The following CALB2 variants were observed in gnomAD, a reference collection of about 807,000 sequenced individuals.
CALB2 encodes the protein calretinin.
Under a neutral mutation model 45.9 loss-of-function variants are expected in CALB2, and 34 were observed. The ratio of observed to expected loss-of-function variants is 0.74; its 90% confidence interval spans 0.56 to 0.99. The LOEUF (loss-of-function observed/expected upper bound fraction) is 0.99, where lower values mean the gene tolerates loss of function less well. Ranked by LOEUF, CALB2 falls within the 50% of genes least tolerant of loss-of-function variation. CALB2 has a pLI of 0.00. For synonymous variants in CALB2, 142 were observed against 129.6 expected (o/e 1.10, Z -0.65); for missense variants, 344 against 339.3 (o/e 1.01, Z -0.11).
At chr16:71,370,495 AT>A (rs2042336968) in intron 1 of CALB2, among the ~76,000 whole-genome samples, 1 of 151,756 alleles carries the variant, frequency 6.6e-6, no homozygotes, top group Non-Finnish European at 1.5e-5. Context: ...AAAAAAAAAA[AT>A]CATGGTGCTT....
chr16:71,372,855 C>T lies in CALB2; in HGVS notation c.171+626C>T, dbSNP rs538627867. 1.6e-4 allele frequency among the ~76,000 whole-genome samples: 24 copies of T among 152,314 alleles called. No homozygotes were observed. In the South Asian group the frequency reaches 4.1e-3, roughly 26 times the overall value. ...AGAGAACCACTGTTCTAGAGCAACACGGGCTAGAATCCCCAGCAAGGAACT... is the reference window on the plus strand; with the variant it reads ...AGAGAACCACTGTTCTAGAGCAACATGGGCTAGAATCCCCAGCAAGGAACT... On this transcript the variant is annotated intron_variant, in intron 2 of 10. Coordinates refer to ENST00000302628, the MANE Select transcript of CALB2 (RefSeq NM_001740.5).
intron 1 of CALB2, among the ~76,000 whole-genome samples, chr16:71,363,018 T>C (rs6499509): frequency 0.85 from 126,742 of 149,716 alleles, 53,878 homozygotes; most frequent in Admixed American, 0.9. Context: ...CCCCTCCCCC[T>C]ACTACAAATT....
intron 1 of CALB2, among the ~76,000 whole-genome samples, chr16:71,359,297 C>A (rs2042214654): frequency 6.6e-6 from 1 of 152,196 alleles, no homozygotes; most frequent in African/African-American, 2.4e-5. Context: ...AGGTTAGCCC[C>A]CTTACCCTGC....
chr16:71,366,020 C>CTTTTTTTTT (rs2042281945), intron 1 of CALB2, among the ~76,000 whole-genome samples: 6 of 28,874 alleles, frequency 2.1e-4, no homozygotes, highest in Non-Finnish European at 3.6e-4. Context: ...TTCCCTCTCT[C>CTTTTTTTTT]TCTCTTTTTT....
chr16:71,374,348 G>A (rs1406569544), intron 2 of CALB2, among the ~76,000 whole-genome samples: 2 of 152,190 alleles, frequency 1.3e-5, no homozygotes, highest in Non-Finnish European at 2.9e-5. Context: ...GAACCTATTA[G>A]GGGGCACTGG....
chr16:71,367,977 A>C (rs2042306920), intron 1 of CALB2, among the ~76,000 whole-genome samples: 1 of 152,014 alleles, frequency 6.6e-6, no homozygotes, highest in Non-Finnish European at 1.5e-5. Context: ...CCCCCTTCCC[A>C]GAGGCTGAGG....
Position 71,366,906 on chromosome 16 carries a change from C to T in CALB2, c.95-5247C>T, listed in dbSNP as rs1207451138. ...TGAGGCTCAGAGAGATTGACTTGCC[C>T]AACATCACATGGACAGTCATAGAGC... On this transcript the variant is annotated intron_variant, in intron 1 of 10. Transcript: ENST00000302628. Among the ~76,000 whole-genome samples, 4 of 152,128 alleles carry T rather than the reference C, an allele frequency of 2.6e-5. No individual in the cohort carries two copies. In the East Asian group the frequency reaches 7.7e-4, roughly 29 times the overall value.
chr16:71,369,601 T>C (rs2042324176), intron 1 of CALB2, among the ~76,000 whole-genome samples: 3 of 152,084 alleles, frequency 2.0e-5, no homozygotes, highest in Admixed American at 6.5e-5. Context: ...ATATACTCGC[T>C]CCTGTGTCCG....
chr16:71,362,705 GA>G (rs2144948894), intron 1 of CALB2, among the ~76,000 whole-genome samples: 1 of 152,266 alleles, frequency 6.6e-6, no homozygotes, highest in Admixed American at 6.5e-5. Flanking sequence ...TTTTTATTAT[GA>G]ATGATATATG....
chr16:71,366,660 G>T (rs1428147828), intron 1 of CALB2, among the ~76,000 whole-genome samples: 1 of 152,188 alleles, frequency 6.6e-6, no homozygotes, highest in African/African-American at 2.4e-5. Flanking sequence ...GAAAGCAGTG[G>T]TGCTGGAACT....
rs888728257 is a variant in CALB2 at position 71,359,016 on chromosome 16, T to C, written c.94+130T>C. 10 of 735,874 alleles carry C rather than the reference T, an allele frequency of 1.4e-5. No homozygotes were observed. The East Asian group carries it at 2.7e-4, about 20-fold the overall frequency. 45.6% of individuals were successfully genotyped at this position (735,874 alleles called of 1,614,324 possible). A position where few individuals can be genotyped will look rare whatever the true frequency, so the allele number is the denominator to read the frequency against. ...GAGGTGGTCTGGTCGCAGAGCCTGC[T>C]GGGGTAGTGGTCCCGGGTTTGGGAG... is the stretch of plus-strand genomic sequence containing the variant. On this transcript the variant is annotated intron_variant, in intron 1 of 10. Transcript: ENST00000302628.
intron 10 of CALB2, chr16:71,389,419 G>A: frequency 2.1e-6 from 1 of 477,410 alleles, no homozygotes; most frequent in South Asian, 1.5e-5. Context: ...TCAAGTGCTT[G>A]CTGATGTGGC....
intron 3 of CALB2, among the ~76,000 whole-genome samples, chr16:71,376,515 A>G (rs1444668853): frequency 1.3e-5 from 2 of 151,102 alleles, no homozygotes; most frequent in Admixed American, 1.3e-4. Flanking sequence ...ATACCCACAT[A>G]CATCCACATA....
chr16:71,385,730 G>A, intron 10 of CALB2, 82 bp downstream of exon 10: 2 of 1,109,600 alleles, frequency 1.8e-6, no homozygotes, highest in Non-Finnish European at 2.7e-6. Flanking sequence ...AAAGGTGCCT[G>A]GTCCTGCTCT....
At chr16:71,372,277 C>A in intron 2 of CALB2, 48 bp downstream of exon 2, 3 of 1,370,038 alleles carry the variant, frequency 2.2e-6, no homozygotes, top group Non-Finnish European at 3.1e-6. Context: ...CTGACCTATG[C>A]CTTTGAGCAT....
intron 1 of CALB2, among the ~76,000 whole-genome samples, chr16:71,367,594 G>T (rs1272421722): frequency 6.6e-6 from 1 of 152,158 alleles, no homozygotes; most frequent in African/African-American, 2.4e-5. Flanking sequence ...GATCTCTCCT[G>T]TGTTCCTCAC....
intron 4 of CALB2, among the ~76,000 whole-genome samples, chr16:71,380,742 C>T (rs2042481575): frequency 6.6e-6 from 1 of 152,136 alleles, no homozygotes; most frequent in Non-Finnish European, 1.5e-5. Context: ...GGGTCTGTTC[C>T]ATTTGTTCCA....
At chr16:71,382,992 A>G (rs2042518099) in intron 5 of CALB2, among the ~76,000 whole-genome samples, 1 of 152,130 alleles carries the variant, frequency 6.6e-6, no homozygotes, top group South Asian at 2.1e-4. Flanking sequence ...GCTCTTCTGC[A>G]CCTCCATGCT....
chr16:71,382,481 G>C (rs564550919), intron 4 of CALB2, among the ~76,000 whole-genome samples: 12 of 152,308 alleles, frequency 7.9e-5, no homozygotes, highest in Admixed American at 2.6e-4. Flanking sequence ...CAAGAATTTG[G>C]AAACAGCTTA....
Sources: gnomAD v4.1 joint callset for allele counts (sites outside exome capture counted in the v4.1 genomes callset) on GRCh38, gnomAD v4.1.1 for gene constraint, MANE v1.5 for transcripts, NCBI Gene and HGNC (gene_info 2026-07-23, HGNC 2026-07-21) for gene names.